NEK10: variants seen among roughly 807,000 people sequenced by gnomAD.
The protein encoded by NEK10 is NIMA related kinase 10.
In NEK10, 122 loss-of-function variants were observed where a neutral mutation model predicts 159.8. That is an observed-to-expected ratio of 0.76 (90% CI 0.66 to 0.89). The LOEUF is 0.89. NEK10 is among the 40% of genes least tolerant of loss of function. The probability of loss-of-function intolerance (pLI) is 0.00; values close to 1 mark genes in which losing one functional copy is unlikely to be tolerated. For missense variants in NEK10, 1,342 were observed against 1,323.1 expected (o/e 1.01, Z -0.22); for synonymous variants, 466 against 457.1 (o/e 1.02, Z -0.25).
At chr3:27,368,757 T>C (rs1229748830) in intron 1 of NEK10, among the ~76,000 whole-genome samples, 1 of 151,990 alleles carries the variant, frequency 6.6e-6, no homozygotes, top group Admixed American at 6.6e-5. Flanking sequence ...CTAATCATCG[T>C]CAGATAGATG....
chr3:27,217,110 C>T (rs1171513383), intron 23 of NEK10, among the ~76,000 whole-genome samples: 1 of 152,194 alleles, frequency 6.6e-6, no homozygotes, highest in Admixed American at 6.5e-5. Context: ...TGATGACTAA[C>T]CTCTGATTTT....
chr3:27,291,053 C>T (rs1048982219), intron 18 of NEK10, among the ~76,000 whole-genome samples: 2 of 152,222 alleles, frequency 1.3e-5, no homozygotes, highest in South Asian at 2.1e-4. Flanking sequence ...TGCCTTTTGT[C>T]TTAAAAAGTC....
rs775843715 is a variant in NEK10 at position 27,136,103 on chromosome 3, A to ATTTTTTTTTTTTTTTTT, written c.2971-4130_2971-4114dup. 3.3e-5 allele frequency among the ~76,000 whole-genome samples: 2 copies of ATTTTTTTTTTTTTTTTT among 60,680 alleles called. 1 individual carries two copies. The highest frequency in any genetic ancestry group is 1.2e-4 in the African/African-American group (2 of 16,036). 39.8% of individuals were successfully genotyped at this position (60,680 alleles called of 152,430 possible). On this transcript the variant is annotated intron_variant, in intron 31 of 35. Transcript: ENST00000691995. ...GGCTTGCCTGTTCTCTAGGAGATCGATTTTTTTTTTTTTTTTTTTTTTTTT... is the reference window on the plus strand; with the variant it reads ...GGCTTGCCTGTTCTCTAGGAGATCGATTTTTTTTTTTTTTTTTTTTTTTTTTTTTTTTTTTTTTTTTT...
chr3:27,126,925 T>C (rs1942028115), intron 32 of NEK10, among the ~76,000 whole-genome samples: 2 of 152,170 alleles, frequency 1.3e-5, no homozygotes, highest in African/African-American at 4.8e-5. Flanking sequence ...TGTCCAATTC[T>C]AACTGGCAGC....
chr3:27,220,677 C>T (rs1327987100), intron 23 of NEK10, among the ~76,000 whole-genome samples: 1 of 151,738 alleles, frequency 6.6e-6, no homozygotes, highest in African/African-American at 2.4e-5. Flanking sequence ...CAAGATGATC[C>T]TAAAATTTAT....
intron 1 of NEK10, among the ~76,000 whole-genome samples, chr3:27,358,331 G>C (rs1300585126): frequency 6.6e-6 from 1 of 152,198 alleles, no homozygotes; most frequent in Non-Finnish European, 1.5e-5. Flanking sequence ...TACCATCTCA[G>C]ATGGGAGAGA....
In NEK10 at chr3:27,295,668, G is replaced by T; in HGVS notation, c.1253C>A (p.Ala418Glu). The part of the protein sequence containing the change: ...VVQENGVYTI[A>E]KLILPNKQKN... ...TTGCTTATTTGGTAAAATTAATTTT[G>T]CTATTGTATATACACCATTTTCCTG... The change falls in exon 15 of 36, where the codon GCA becomes GAA. Residue 418 changes from alanine (A) to glutamate (E), a missense_variant. Coordinates refer to ENST00000691995, the MANE Select transcript of NEK10 (RefSeq NM_001394966.1). The T allele has an allele frequency of 6.4e-7, 1 of 1,566,628 alleles. No individual in the cohort carries two copies. Among genetic ancestry groups the T allele is most frequent in the African/African-American group, 1.3e-5 (1 of 74,318 alleles).
At chr3:27,155,996 C>A (rs1945373081) in intron 30 of NEK10, among the ~76,000 whole-genome samples, 1 of 151,910 alleles carries the variant, frequency 6.6e-6, no homozygotes, top group South Asian at 2.1e-4. Flanking sequence ...AAATACTTAC[C>A]AACCAATCTT....
At chr3:27,292,087 GA>G (rs1203900081) in intron 16 of NEK10, among the ~76,000 whole-genome samples, 1 of 152,040 alleles carries the variant, frequency 6.6e-6, no homozygotes, top group Non-Finnish European at 1.5e-5. Context: ...TGAGAGGTAA[GA>G]AAAAAACAAA....
intron 30 of NEK10, among the ~76,000 whole-genome samples, chr3:27,141,865 A>G (rs1171848148): frequency 1.3e-5 from 2 of 152,214 alleles, no homozygotes; most frequent in Admixed American, 1.3e-4. Flanking sequence ...GCAGGCTGCC[A>G]TCAGGAGTCA....
At chr3:27,219,067 A>G (rs950082422) in intron 23 of NEK10, among the ~76,000 whole-genome samples, 5 of 152,354 alleles carry the variant, frequency 3.3e-5, no homozygotes, top group Middle Eastern at 3.4e-3. Context: ...ATAATTGTTC[A>G]TTCTTTCTCT....
At chr3:27,302,731 TG>T (rs2043927963) in intron 12 of NEK10, among the ~76,000 whole-genome samples, 1 of 152,200 alleles carries the variant, frequency 6.6e-6, no homozygotes, top group Non-Finnish European at 1.5e-5. Flanking sequence ...GTAACATGGA[TG>T]GAGTTTCCTT....
rs1036353499 is a variant in NEK10, at chr3:27,285,013, T to C, written c.1790-52A>G. 5.6e-6 allele frequency: 8 copies of C among 1,431,936 alleles called. No individual in the cohort carries two copies. In the African/African-American group the frequency reaches 8.6e-5, roughly 15 times the overall value. 88.7% of individuals were successfully genotyped at this position (1,431,936 alleles called of 1,614,324 possible). A position where few individuals can be genotyped will look rare whatever the true frequency, so the allele number is the denominator to read the frequency against. ...GAAATTTAAACTCAATACAGGCATCTTGAAAAACTTTACGAATGAGAGTTC... is the reference window on the plus strand; with the variant it reads ...GAAATTTAAACTCAATACAGGCATCCTGAAAAACTTTACGAATGAGAGTTC... On this transcript the variant is annotated intron_variant, in intron 20 of 35. Transcript: ENST00000691995.
chr3:27,292,445 A>G (rs1178134213), intron 16 of NEK10, among the ~76,000 whole-genome samples: 1 of 152,208 alleles, frequency 6.6e-6, no homozygotes, highest in Non-Finnish European at 1.5e-5. Flanking sequence ...AAATAAAGAG[A>G]TTCATTCATC....
chr3:27,207,783 T>G (rs371323072), intron 23 of NEK10, among the ~76,000 whole-genome samples: 2 of 152,108 alleles, frequency 1.3e-5, no homozygotes, highest in East Asian at 3.9e-4. Context: ...CTTATCACTG[T>G]TACTGAAAAA....
chr3:27,188,490 G>A lies in NEK10; in HGVS notation c.2505+3539C>T, dbSNP rs73151233. On this transcript the variant is annotated intron_variant, in intron 26 of 35. Coordinates refer to ENST00000691995, the MANE Select transcript of NEK10 (RefSeq NM_001394966.1). ...ATCTTTCTCTCTTTCTGTTATAGATGTGAAAGCAGTTCTCCAAACTGAACA... is the reference window on the plus strand; with the variant it reads ...ATCTTTCTCTCTTTCTGTTATAGATATGAAAGCAGTTCTCCAAACTGAACA... Among the ~76,000 whole-genome samples, 1,017 of 152,230 alleles carry A rather than the reference G, an allele frequency of 6.7e-3. 12 individuals are homozygous for A. The highest frequency in any genetic ancestry group is 0.024 in the African/African-American group (978 of 41,542).
intron 30 of NEK10, among the ~76,000 whole-genome samples, chr3:27,148,361 C>T (rs534069447): frequency 2.6e-5 from 4 of 152,278 alleles, no homozygotes; most frequent in African/African-American, 9.6e-5. Context: ...ACTCCCCAGA[C>T]AGGAGCCAAC....
intron 1 of NEK10, among the ~76,000 whole-genome samples, chr3:27,362,575 G>A (rs548751654): frequency 6.6e-6 from 1 of 150,914 alleles, no homozygotes. Flanking sequence ...ATATTAGGTG[G>A]GCGCAAAAGT....
At chr3:27,253,741 A>C (rs1955894794) in intron 23 of NEK10, among the ~76,000 whole-genome samples, 1 of 152,338 alleles carries the variant, frequency 6.6e-6, no homozygotes, top group Admixed American at 6.5e-5. Flanking sequence ...GTGCCTAGGC[A>C]TCTCTATGGC....
Sources: allele counts gnomAD v4.1 joint callset (sites outside exome capture counted in the v4.1 genomes callset), GRCh38; gene constraint gnomAD v4.1.1; transcripts MANE v1.5; gene names NCBI Gene and HGNC (gene_info 2026-07-23, HGNC 2026-07-21).